MEOX2: variants seen among roughly 807,000 people sequenced by gnomAD.
The protein encoded by MEOX2 is homeobox protein MOX-2.
In MEOX2, 11 loss-of-function variants were observed where a neutral mutation model predicts 27.0. The observed-to-expected ratio is 0.41, with a 90% CI of 0.26 to 0.68. The LOEUF (loss-of-function observed/expected upper bound fraction) is 0.68. MEOX2 is among the 30% of genes least tolerant of loss of function. MEOX2 has a pLI of 0.33. For synonymous variants in MEOX2, 189 were observed against 155.4 expected, an observed-to-expected ratio of 1.22 and a Z score of -1.61; for missense variants, 436 against 385.4, an observed-to-expected ratio of 1.13 and a Z score of -1.10.
intron 2 of MEOX2, among the ~76,000 whole-genome samples, chr7:15,621,908 G>A (rs1400562102): frequency 1.3e-5 from 2 of 152,140 alleles, no homozygotes; most frequent in Non-Finnish European, 2.9e-5. Context: ...CACGAGGTCA[G>A]GAGTTCAAGA....
At chr7:15,638,077 T>C (rs1781511725) in intron 1 of MEOX2, among the ~76,000 whole-genome samples, 1 of 152,090 alleles carries the variant, frequency 6.6e-6, no homozygotes, top group Non-Finnish European at 1.5e-5. Flanking sequence ...GAAATACACC[T>C]TTATTTCATT....
intron 1 of MEOX2, among the ~76,000 whole-genome samples, chr7:15,654,644 C>T (rs769362159): frequency 1.1e-4 from 16 of 151,750 alleles, no homozygotes; most frequent in Non-Finnish European, 1.9e-4. Context: ...TCTTCCGCCA[C>T]CAACTGGTTT....
chr7:15,666,190 C>T (rs571629558), intron 1 of MEOX2, among the ~76,000 whole-genome samples: 3 of 152,216 alleles, frequency 2.0e-5, no homozygotes, highest in East Asian at 3.9e-4. Context: ...AGTCAGTCCT[C>T]GAAACATGGG....
chr7:15,659,522 A>T (rs1275859121), intron 1 of MEOX2, among the ~76,000 whole-genome samples: 1 of 152,076 alleles, frequency 6.6e-6, no homozygotes, highest in Non-Finnish European at 1.5e-5. Flanking sequence ...GCACTTTGGG[A>T]GGCTGAGGCG....
intron 1 of MEOX2, among the ~76,000 whole-genome samples, chr7:15,684,308 C>T (rs1164189908): frequency 6.6e-6 from 1 of 152,160 alleles, no homozygotes; most frequent in Admixed American, 6.5e-5. Context: ...ATGAAATTGT[C>T]ACTGCATTCT....
chr7:15,676,355 T>G (rs911970495), intron 1 of MEOX2, among the ~76,000 whole-genome samples: 9 of 152,222 alleles, frequency 5.9e-5, no homozygotes, highest in African/African-American at 2.2e-4. Context: ...CATTTGCCAT[T>G]CCTAAGGGTC....
At chr7:15,616,979 G>A (rs1781133419) in intron 2 of MEOX2, among the ~76,000 whole-genome samples, 1 of 151,950 alleles carries the variant, frequency 6.6e-6, no homozygotes, top group Non-Finnish European at 1.5e-5. Flanking sequence ...GTTCACACCT[G>A]TCCTTTTAGG....
chr7:15,631,231 C>CAAAA, intron 1 of MEOX2, among the ~76,000 whole-genome samples: 1 of 141,684 alleles, frequency 7.1e-6, no homozygotes, highest in Non-Finnish European at 1.6e-5. Context: ...CTTCAAAATG[C>CAAAA]AAAAAAAAAA....
chr7:15,648,920 A>T (rs911351801), intron 1 of MEOX2, among the ~76,000 whole-genome samples: 1 of 152,036 alleles, frequency 6.6e-6, no homozygotes, highest in African/African-American at 2.4e-5. Flanking sequence ...AGGAGCAGAA[A>T]TGCCTCACTC....
intron 1 of MEOX2, chr7:15,680,857 TA>T (rs778079655): frequency 6.6e-6 from 1 of 151,872 alleles, no homozygotes; most frequent in East Asian, 1.9e-4. Context: ...TGTTTTATTT[TA>T]TTTTTTTGCT....
chr7:15,678,163 C>A (rs1782232244), intron 1 of MEOX2, among the ~76,000 whole-genome samples: 2 of 152,144 alleles, frequency 1.3e-5, no homozygotes, highest in South Asian at 4.1e-4. Context: ...GCATCCAGAT[C>A]TGTTTATACT....
Position 15,685,937 on chromosome 7 carries a change from G to C in MEOX2, c.466C>G (p.Pro156Ala), listed in dbSNP as rs757688209. 4 of 1,611,326 alleles carry C rather than the reference G, an allele frequency of 2.5e-6. No individual in the cohort carries two copies. Among genetic ancestry groups the C allele is most frequent in the Non-Finnish European group, 3.4e-6 (4 of 1,179,370 alleles). The change falls in exon 1 of 3, where the codon CCT becomes GCT. Residue 156 changes from proline (P) to alanine (A), a missense_variant. Physicochemically the swap from Pro to Ala is conservative, Grantham distance 27. Coordinates refer to ENST00000262041, the MANE Select transcript of MEOX2 (RefSeq NM_005924.5). ...CCGCTTCGCTTCTCCGCCTCCGCAG[G>C]TGACAGTGCCTGGCGGCCGTAGTCC... is the stretch of plus-strand genomic sequence containing the variant. ...PGDYGRQALS[P>A]AEAEKRSGGK...
At chr7:15,648,540 G>A (rs1417069771) in intron 1 of MEOX2, among the ~76,000 whole-genome samples, 1 of 152,050 alleles carries the variant, frequency 6.6e-6, no homozygotes, top group African/African-American at 2.4e-5. Flanking sequence ...AGGGATCTGG[G>A]TCCTTTATTG....
Position 15,680,162 on chromosome 7 carries a change from C to T in MEOX2, c.517+5724G>A, listed in dbSNP as rs137947838. The T allele has an allele frequency of 1.6e-4, 25 of 151,900 alleles. No homozygotes were observed. The East Asian group carries it at 3.7e-3, about 22-fold the overall frequency. The allele number at this position is 151,900 out of a possible 1,614,324, so 9.4% of individuals were successfully genotyped here. A position where few individuals can be genotyped will look rare whatever the true frequency, so the allele number is the denominator to read the frequency against. On this transcript the variant is annotated intron_variant, in intron 1 of 2. Transcript: ENST00000262041. ...ATTCGATCATACACTTACCATGTAA[C>T]TTTCTGTTAATTTGGTAATAAATAA...
Position 15,675,933 on chromosome 7 carries a change from A to T in MEOX2, c.517+9953T>A, listed in dbSNP as rs1292580657. On this transcript the variant is annotated intron_variant, in intron 1 of 2. Coordinates refer to ENST00000262041, the MANE Select transcript of MEOX2 (RefSeq NM_005924.5). The stretch of plus-strand genomic sequence containing the variant: ...TAAACTTCTCTTGTTTTAGGGATCA[A>T]ATTGCTATGGATCTGAAAATGCTTA... The T allele has an allele frequency of 2.0e-5, 3 of 152,296 alleles. No individual in the cohort carries two copies. In the East Asian group the frequency reaches 5.8e-4, roughly 29 times the overall value. The allele number at this position is 152,296 out of a possible 1,614,324, so 9.4% of individuals were successfully genotyped here. A position where few individuals can be genotyped will look rare whatever the true frequency, so the allele number is the denominator to read the frequency against.
intron 1 of MEOX2, among the ~76,000 whole-genome samples, chr7:15,636,111 TTTAA>T (rs1337060486): frequency 6.6e-6 from 1 of 151,890 alleles, no homozygotes; most frequent in Admixed American, 6.6e-5. Flanking sequence ...TTAAAAAAAG[TTTAA>T]TTAATACTTC....
At chr7:15,667,256 A>C (rs1782022316) in intron 1 of MEOX2, among the ~76,000 whole-genome samples, 1 of 133,712 alleles carries the variant, frequency 7.5e-6, no homozygotes. Context: ...GCACCACTGC[A>C]CTCCAGCCTG....
chr7:15,686,492 ATT>A lies in MEOX2; in HGVS notation c.-92_-91del. ...TCACTTTTTCACTGGAAACCGTGTG[ATT>A]TTTTTTTTAACCTCCCAAAGCAATA... On this transcript the variant is annotated 5_prime_UTR_variant, in exon 1 of 3. Coordinates refer to ENST00000262041, the MANE Select transcript of MEOX2 (RefSeq NM_005924.5). 2 of 1,030,554 alleles carry A rather than the reference ATT, an allele frequency of 1.9e-6. No individual in the cohort carries two copies. The highest frequency in any genetic ancestry group is 2.8e-6 in the Non-Finnish European group (2 of 726,918). The allele number at this position is 1,030,554 out of a possible 1,614,324, so 63.8% of individuals were successfully genotyped here. A position where few individuals can be genotyped will look rare whatever the true frequency, so the allele number is the denominator to read the frequency against.
chr7:15,669,488 T>C (rs898998455), intron 1 of MEOX2, among the ~76,000 whole-genome samples: 2 of 152,344 alleles, frequency 1.3e-5, no homozygotes, highest in African/African-American at 4.8e-5. Context: ...AATACTACCT[T>C]TTCTATCACA....
Sources: allele counts gnomAD v4.1 joint callset (sites outside exome capture counted in the v4.1 genomes callset), GRCh38; gene constraint gnomAD v4.1.1; transcripts MANE v1.5; gene names NCBI Gene and HGNC (gene_info 2026-07-23, HGNC 2026-07-21).